The following THADA variants were observed in gnomAD, a reference collection of about 807,000 sequenced individuals.
The protein encoded by THADA is tRNA (32-2'-O)-methyltransferase regulator THADA.
THADA carries 213 observed loss-of-function variants against 219.8 expected under a neutral mutation model. The ratio of observed to expected loss-of-function variants is 0.97; its 90% CI spans 0.87 to 1.09. THADA has a LOEUF of 1.09. THADA is among the 50% of genes least tolerant of loss of function. The pLI is 0.00. For missense variants in THADA, 2,956 were observed against 2,311.3 expected (o/e 1.28, Z -5.72); for synonymous variants, 1,018 against 828.9 (o/e 1.23, Z -3.92).
intron 21 of THADA, chr2:43,538,454 G>C (rs948677029): frequency 3.3e-5 from 5 of 152,154 alleles, no homozygotes; most frequent in African/African-American, 1.2e-4. Context: ...TTTTCCTCCT[G>C]GAGAAACTGG....
chr2:43,237,449 G>A (rs916947363), intron 36 of THADA, among the ~76,000 whole-genome samples: 7 of 146,414 alleles, frequency 4.8e-5, no homozygotes, highest in Non-Finnish European at 1.0e-4. Context: ...CCAGGCTGGA[G>A]TGCAGTGGCG....
intron 23 of THADA, among the ~76,000 whole-genome samples, chr2:43,506,730 C>T (rs998071433): frequency 3.9e-5 from 6 of 152,192 alleles, no homozygotes; most frequent in Admixed American, 2.6e-4. Context: ...ATGTGAATTA[C>T]ATCTCAATAA....
At chr2:43,275,851 G>A (rs763400459) in intron 36 of THADA, among the ~76,000 whole-genome samples, 1 of 152,204 alleles carries the variant, frequency 6.6e-6, no homozygotes, top group Non-Finnish European at 1.5e-5. Context: ...TAAGAATCAT[G>A]CAAATGCCAG....
intron 26 of THADA, among the ~76,000 whole-genome samples, chr2:43,466,841 T>C (rs1459958972): frequency 1.3e-5 from 2 of 152,200 alleles, no homozygotes; most frequent in Non-Finnish European, 2.9e-5. Flanking sequence ...TTCAGCAGGA[T>C]AAATGTGAGT....
intron 36 of THADA, among the ~76,000 whole-genome samples, chr2:43,235,979 T>C (rs997242266): frequency 1.3e-5 from 2 of 152,008 alleles, no homozygotes; most frequent in Non-Finnish European, 2.9e-5. Context: ...GCTAAATTTT[T>C]TTTGAATTTT....
At chr2:43,425,545 G>A (rs1213144825) in intron 28 of THADA, among the ~76,000 whole-genome samples, 1 of 151,406 alleles carries the variant, frequency 6.6e-6, no homozygotes, top group Non-Finnish European at 1.5e-5. Flanking sequence ...GTGATCTACA[G>A]ACCAGCAGCA....
chr2:43,508,799 C>T lies in THADA; in HGVS notation c.3375-19G>A. 1 of 1,609,408 alleles carries T rather than the reference C, an allele frequency of 6.2e-7. No homozygotes were observed. The highest frequency in any genetic ancestry group is 8.5e-7 in the Non-Finnish European group (1 of 1,177,972). On this transcript the variant is annotated intron_variant, in intron 22 of 37. Coordinates refer to ENST00000405975, the MANE Select transcript of THADA (RefSeq NM_022065.5). ...TGGGCACCTAAAAGGCATATATAAT[C>T]AAATATTCGGAATTAGGTATCAAAG...
chr2:43,261,535 A>G (rs567840253), intron 36 of THADA, among the ~76,000 whole-genome samples: 2 of 151,720 alleles, frequency 1.3e-5, no homozygotes, highest in Non-Finnish European at 2.9e-5. Flanking sequence ...ATCTTGGCTC[A>G]CTGCAACCTC....
chr2:43,428,990 A>G (rs938774179), intron 27 of THADA, among the ~76,000 whole-genome samples: 3 of 152,250 alleles, frequency 2.0e-5, no homozygotes, highest in African/African-American at 7.2e-5. Context: ...TTTATTTTCT[A>G]ATTATAAACA....
At chr2:43,489,874 C>CAAAAAAAAAAACAAAAAAAAAAAAA (rs1687406556) in intron 25 of THADA, among the ~76,000 whole-genome samples, 1 of 56,088 alleles carries the variant, frequency 1.8e-5, no homozygotes, top group African/African-American at 6.7e-5. Context: ...TTAAGATCTG[C>CAAAAAAAAAAACAAAAAAAAAAAAA]AAAAAAAAAA....
At chr2:43,397,699 A>C (rs1674249037) in intron 29 of THADA, among the ~76,000 whole-genome samples, 1 of 151,916 alleles carries the variant, frequency 6.6e-6, no homozygotes, top group Admixed American at 6.6e-5. Context: ...TGGTTCAGAG[A>C]GGTGAGGCCA....
chr2:43,279,658 A>G, intron 36 of THADA, 107 bp downstream of exon 36: 2 of 1,394,708 alleles, frequency 1.4e-6, no homozygotes, highest in Non-Finnish European at 1.9e-6. Context: ...TGAGACACAG[A>G]CCAAATGACC....
chr2:43,263,979 C>G (rs908072201), intron 36 of THADA, among the ~76,000 whole-genome samples: 2 of 152,152 alleles, frequency 1.3e-5, no homozygotes, highest in African/African-American at 4.8e-5. Context: ...ATCCATCACT[C>G]TAAAATAAGA....
In THADA at chr2:43,306,151, C is replaced by A. The variant is rs113657736; in HGVS notation, c.4439-12938G>T. On this transcript the variant is annotated intron_variant, in intron 31 of 37. Coordinates refer to ENST00000405975, the MANE Select transcript of THADA (RefSeq NM_022065.5). The stretch of plus-strand genomic sequence containing the variant: ...CCTCAGTCCCAGGGAGCTGTGACTA[C>A]AGGCACGAGCCCCCATGCCTGGCTA... Among the ~76,000 whole-genome samples, 498 of 152,232 alleles carry A rather than the reference C, an allele frequency of 3.3e-3. 3 individuals carry two copies. Among genetic ancestry groups the A allele is most frequent in the African/African-American group, 0.012 (488 of 41,544 alleles).
chr2:43,582,805 G>C (rs1202313394), intron 7 of THADA, among the ~76,000 whole-genome samples: 1 of 151,958 alleles, frequency 6.6e-6, no homozygotes, highest in Non-Finnish European at 1.5e-5. Flanking sequence ...CTGACCTCAA[G>C]TGATCCACCT....
intron 36 of THADA, among the ~76,000 whole-genome samples, chr2:43,260,508 A>G (rs1670815803): frequency 6.6e-6 from 1 of 152,168 alleles, no homozygotes; most frequent in South Asian, 2.1e-4. Flanking sequence ...TGGGAGGCTG[A>G]GGTGGGAGGA....
intron 26 of THADA, among the ~76,000 whole-genome samples, chr2:43,438,525 T>C (rs1558762203): frequency 1.3e-5 from 2 of 152,198 alleles, no homozygotes; most frequent in African/African-American, 4.8e-5. Context: ...ATGGCCTAGA[T>C]AAACTCTTGA....
chr2:43,320,513 A>T lies in THADA; in HGVS notation c.4371T>A (p.Ala1457=). 1.9e-6 allele frequency: 3 copies of T among 1,612,922 alleles called. No individual in the cohort carries two copies. The highest frequency in any genetic ancestry group is 2.5e-6 in the Non-Finnish European group (3 of 1,179,550). ...KRQNPCLVTR[A]VYIDILFLLT... is the part of the protein sequence containing the mutation. ...ATAGGAAGAGAATATCAATATATAC[A>T]GCTCTGGTCACCAAACATGGATTTT... The change falls in exon 31 of 38, where the codon GCT becomes GCA. Residue 1457 remains alanine (A), a synonymous_variant. Coordinates refer to ENST00000405975, the MANE Select transcript of THADA (RefSeq NM_022065.5).
rs191384679 is a variant in THADA, at chr2:43,349,974, A to G, written c.4228-5737T>C. Among the ~76,000 whole-genome samples, 209 of 152,224 alleles carry G rather than the reference A, an allele frequency of 1.4e-3. 1 individual carries two copies. The highest frequency in any genetic ancestry group is 4.9e-3 in the African/African-American group (202 of 41,532). ...ACCCCCAAAGCTAAGTCAGTGCCAC[A>G]TTTTCCTTAGTGTTTACACAGGATT... On this transcript the variant is annotated intron_variant, in intron 29 of 37. Transcript: ENST00000405975.
Sources: gnomAD v4.1 joint callset for allele counts (sites outside exome capture counted in the v4.1 genomes callset) on GRCh38, gnomAD v4.1.1 for gene constraint, MANE v1.5 for transcripts, NCBI Gene and HGNC (gene_info 2026-07-23, HGNC 2026-07-21) for gene names.